Variants in KDM4B observed in about 807,000 individuals in gnomAD.
KDM4B encodes the protein lysine-specific demethylase 4B.
Under a neutral mutation model 125.2 loss-of-function variants are expected in KDM4B, and 32 were observed. The ratio of observed to expected loss-of-function variants is 0.26; its 90% CI spans 0.19 to 0.34. The LOEUF (loss-of-function observed/expected upper bound fraction) is 0.34, where lower values mean the gene tolerates loss of function less well. KDM4B is among the 10% of genes least tolerant of loss of function. The pLI is 1.00. For synonymous variants in KDM4B, 721 were observed against 677.9 expected, an observed-to-expected ratio of 1.06 and a Z score of -0.99; for missense variants, 1,190 against 1,577.7, an observed-to-expected ratio of 0.75 and a Z score of 4.16.
At chr19:5,095,716 A>G (rs574535000) in intron 9 of KDM4B, among the ~76,000 whole-genome samples, 17 of 148,204 alleles carry the variant, frequency 1.1e-4, no homozygotes, top group African/African-American at 4.0e-4. Flanking sequence ...GGATCAGATC[A>G]CAAGGGGCTG....
intron 1 of KDM4B, among the ~76,000 whole-genome samples, chr19:4,982,299 A>T (rs1376802205): frequency 6.6e-6 from 1 of 150,740 alleles, no homozygotes; most frequent in East Asian, 2.0e-4. Flanking sequence ...CTCCAAAAAA[A>T]AAAAAAGCCA....
At chr19:4,974,375 C>T (rs1390129072) in intron 1 of KDM4B, among the ~76,000 whole-genome samples, 3 of 151,960 alleles carry the variant, frequency 2.0e-5, no homozygotes, top group East Asian at 1.9e-4. Context: ...GTACTCCAGC[C>T]TGGGCGACAG....
intron 1 of KDM4B, among the ~76,000 whole-genome samples, chr19:5,012,545 C>T (rs564183708): frequency 2.0e-5 from 3 of 152,302 alleles, no homozygotes; most frequent in Non-Finnish European, 2.9e-5. Context: ...TCCTCAGGCT[C>T]CTCTGGGCTG....
intron 1 of KDM4B, among the ~76,000 whole-genome samples, chr19:5,008,902 C>T (rs2035644654): frequency 7.1e-6 from 1 of 141,698 alleles, no homozygotes; most frequent in African/African-American, 2.7e-5. Flanking sequence ...TGCCTGGCCC[C>T]TGCCTTTTTT....
rs1041808370 is a variant in KDM4B at position 5,082,133 on chromosome 19, G to A, written c.781-234G>A. ...GCTGGGGCTGGAGGGGCCCGGCTGA[G>A]CCGAGTGGAGGTTGCAGAGCTGTGG... On this transcript the variant is annotated intron_variant, in intron 8 of 22. Transcript: ENST00000159111. The surrounding 1 kb of genome is among the most constrained non-coding windows in gnomAD (Gnocchi z 5.4). 3.8e-4 allele frequency among the ~76,000 whole-genome samples: 58 copies of A among 152,228 alleles called. No individual in the cohort carries two copies. Among genetic ancestry groups the A allele is most frequent in the Admixed American group, 1.3e-4 (2 of 15,292 alleles).
chr19:5,128,299 C>T (rs920119800), intron 11 of KDM4B, among the ~76,000 whole-genome samples: 7 of 152,200 alleles, frequency 4.6e-5, no homozygotes, highest in African/African-American at 1.7e-4. Context: ...AGCTGGAGGC[C>T]GTGAGGCTGT....
intron 2 of KDM4B, among the ~76,000 whole-genome samples, chr19:5,030,890 C>T (rs995101383): frequency 3.9e-5 from 6 of 152,252 alleles, no homozygotes; most frequent in Admixed American, 3.3e-4. Flanking sequence ...GGGATGGCCT[C>T]AGGCCTTTGG....
At chr19:5,063,425 C>T (rs530798486) in intron 6 of KDM4B, among the ~76,000 whole-genome samples, 165 of 152,310 alleles carry the variant, frequency 1.1e-3, no homozygotes, top group Middle Eastern at 6.8e-3. Flanking sequence ...TTCCCTACTG[C>T]TTGCCAACCA....
At chr19:5,000,660 A>G (rs1359804963) in intron 1 of KDM4B, among the ~76,000 whole-genome samples, 1 of 152,198 alleles carries the variant, frequency 6.6e-6, no homozygotes, top group African/African-American at 2.4e-5. Context: ...CCCAAACTGT[A>G]TTTAAAAGTT....
intron 21 of KDM4B, among the ~76,000 whole-genome samples, chr19:5,147,085 G>A (rs1029674870): frequency 8.6e-5 from 13 of 151,788 alleles, no homozygotes; most frequent in Admixed American, 5.3e-4. Flanking sequence ...CAGGCAGGTC[G>A]GACTGGACTC....
At chr19:5,039,123 A>T (rs1238140643) in intron 3 of KDM4B, among the ~76,000 whole-genome samples, 4 of 152,198 alleles carry the variant, frequency 2.6e-5, no homozygotes, top group African/African-American at 9.6e-5. Flanking sequence ...TGCAGCGCTT[A>T]TGACCAAGCA....
chr19:5,014,050 C>T (rs887955317), intron 1 of KDM4B, among the ~76,000 whole-genome samples: 16 of 152,196 alleles, frequency 1.1e-4, no homozygotes, highest in African/African-American at 2.7e-4. Flanking sequence ...ATATGGAAGT[C>T]GGGTGAATGA....
intron 6 of KDM4B, among the ~76,000 whole-genome samples, chr19:5,069,728 G>A (rs574474913): frequency 9.2e-5 from 14 of 152,032 alleles, no homozygotes; most frequent in East Asian, 5.8e-4. Context: ...ATTCTTTTGC[G>A]TCAGCCTCCC....
intron 6 of KDM4B, among the ~76,000 whole-genome samples, chr19:5,051,052 C>T (rs2037205884): frequency 1.3e-5 from 2 of 152,102 alleles, no homozygotes; most frequent in Admixed American, 1.3e-4. Flanking sequence ...CTGCAGGGCC[C>T]ACCCTCCTGA....
chr19:5,000,212 CCCACCCACCCATCCACCCACCTATCCAT>C (rs2035338848), intron 1 of KDM4B, among the ~76,000 whole-genome samples: 2 of 96,884 alleles, frequency 2.1e-5, no homozygotes, highest in African/African-American at 8.2e-5. Context: ...CATCCATCCA[CCCACCCACCCATCCACCCACCTATCCAT>C]CCACCCACCC....
chr19:5,065,939 G>A (rs1031091653), intron 6 of KDM4B, among the ~76,000 whole-genome samples: 1 of 152,188 alleles, frequency 6.6e-6, no homozygotes, highest in Non-Finnish European at 1.5e-5. Flanking sequence ...GTCTCAGCTC[G>A]CTGGCTGAGC....
intron 14 of KDM4B, 107 bp downstream of exon 14, chr19:5,134,168 T>A: frequency 1.8e-6 from 2 of 1,092,514 alleles, no homozygotes; most frequent in Non-Finnish European, 2.6e-6. Context: ...CAGGGCAGGG[T>A]GTTGGCCAGC....
chr19:4,989,268 G>C (rs916930467), intron 1 of KDM4B, among the ~76,000 whole-genome samples: 60 of 152,172 alleles, frequency 3.9e-4, no homozygotes, highest in Admixed American at 1.3e-4. Flanking sequence ...GTGTTCACAC[G>C]TGCTGTTGGC....
intron 9 of KDM4B, among the ~76,000 whole-genome samples, chr19:5,100,404 T>TG: frequency 6.6e-6 from 1 of 152,322 alleles, no homozygotes; most frequent in African/African-American, 2.4e-5. Flanking sequence ...TCTTTTTTGT[T>TG]TTTGTTGTTG....
Sources: allele counts gnomAD v4.1 joint callset (sites outside exome capture counted in the v4.1 genomes callset), GRCh38; gene constraint gnomAD v4.1.1; non-coding constraint Gnocchi (gnomAD v3.1); transcripts MANE v1.5; gene names NCBI Gene and HGNC (gene_info 2026-07-23, HGNC 2026-07-21).